The following HECTD2 variants were observed in gnomAD, a reference collection of about 807,000 sequenced individuals.
HECTD2 encodes the protein probable E3 ubiquitin-protein ligase HECTD2.
Under a neutral mutation model 103.2 loss-of-function variants are expected in HECTD2, and 35 were observed. The observed-to-expected ratio is 0.34, with a 90% CI of 0.26 to 0.45. HECTD2 has a LOEUF of 0.45. HECTD2 is among the 20% of genes least tolerant of loss of function. The pLI, the probability that HECTD2 is intolerant of heterozygous loss-of-function variation, is 1.00. For missense variants in HECTD2, 596 were observed against 937.4 expected (o/e 0.64, Z 4.76); for synonymous variants, 281 against 329.9 (o/e 0.85, Z 1.61).
At position 91,491,286 on chromosome 10, in the gene HECTD2, G is replaced by C. The variant is rs1228072670; in HGVS notation, c.1278G>C (p.Leu426=). 4 of 1,525,836 alleles carry C rather than the reference G, an allele frequency of 2.6e-6. No homozygotes were observed. In the South Asian group the frequency reaches 3.5e-5, roughly 13 times the overall value. 94.5% of individuals were successfully genotyped at this position (1,525,836 alleles called of 1,614,324 possible). A position where few individuals can be genotyped will look rare whatever the true frequency, so the allele number is the denominator to read the frequency against. The change falls in exon 12 of 21, where the codon CTG becomes CTC. Residue 426 remains leucine, a synonymous_variant. Coordinates refer to ENST00000298068, the MANE Select transcript of HECTD2 (RefSeq NM_182765.6). ...FLNMKVRRTH[L]VSDSLDELTR... is the part of the protein sequence containing the mutation. The stretch of plus-strand genomic sequence containing the variant: ...ATATGAAAGTAAGACGGACACATCT[G>C]GTTAGCGATTCACTTGATGAGGTAT...
At chr10:91,475,931 A>G (rs957298043) in intron 5 of HECTD2, among the ~76,000 whole-genome samples, 1 of 152,182 alleles carries the variant, frequency 6.6e-6, no homozygotes, top group Non-Finnish European at 1.5e-5. Flanking sequence ...TGGGGACCTG[A>G]GGGAACAAAT....
At chr10:91,439,108 T>C (rs1032129580) in intron 2 of HECTD2, among the ~76,000 whole-genome samples, 1 of 152,218 alleles carries the variant, frequency 6.6e-6, no homozygotes, top group Non-Finnish European at 1.5e-5. Flanking sequence ...ATTTTGGCTT[T>C]TGTTACCATT....
chr10:91,456,159 C>T (rs899205362), intron 2 of HECTD2, among the ~76,000 whole-genome samples: 5 of 152,068 alleles, frequency 3.3e-5, no homozygotes, highest in African/African-American at 1.2e-4. Flanking sequence ...TATAAATTAA[C>T]TTGGGCAGTA....
At chr10:91,455,828 G>T (rs1406096619) in intron 2 of HECTD2, among the ~76,000 whole-genome samples, 6 of 152,036 alleles carry the variant, frequency 3.9e-5, no homozygotes, top group African/African-American at 1.5e-4. Context: ...ATTAAATAGG[G>T]AATCCTTTCC....
chr10:91,476,492 C>G (rs559875417), intron 5 of HECTD2, among the ~76,000 whole-genome samples: 1 of 152,236 alleles, frequency 6.6e-6, no homozygotes, highest in South Asian at 2.1e-4. Flanking sequence ...GACATTGAGC[C>G]AGACTAAGAA....
intron 14 of HECTD2, among the ~76,000 whole-genome samples, chr10:91,493,789 AT>A (rs200088865): frequency 2.0e-5 from 3 of 151,912 alleles, no homozygotes; most frequent in Admixed American, 6.6e-5. Flanking sequence ...AATTTAAGGC[AT>A]TTTTTAAAAA....
intron 2 of HECTD2, among the ~76,000 whole-genome samples, chr10:91,453,874 C>T (rs1029344366): frequency 2.6e-5 from 4 of 152,108 alleles, no homozygotes; most frequent in African/African-American, 9.6e-5. Flanking sequence ...TTGAAGGAAA[C>T]AGAAATGACT....
At chr10:91,440,740 T>C (rs1383098790) in intron 2 of HECTD2, among the ~76,000 whole-genome samples, 2 of 65,800 alleles carry the variant, frequency 3.0e-5, no homozygotes, top group African/African-American at 1.3e-4. Flanking sequence ...TATTAATTAC[T>C]GCCTCCATTT....
intron 2 of HECTD2, among the ~76,000 whole-genome samples, chr10:91,450,060 C>T (rs1298890840): frequency 6.6e-6 from 1 of 152,070 alleles, no homozygotes; most frequent in Admixed American, 6.5e-5. Context: ...AAAAAGAGCC[C>T]ATATAGTCAA....
At chr10:91,411,080 G>T (rs1842900813) in intron 1 of HECTD2, among the ~76,000 whole-genome samples, 1 of 152,184 alleles carries the variant, frequency 6.6e-6, no homozygotes, top group Non-Finnish European at 1.5e-5. Flanking sequence ...GTTGCTGTCA[G>T]TGTAGTGGGA....
intron 18 of HECTD2, 108 bp from the exon 19 acceptor site, chr10:91,500,394 T>TTTTAA: frequency 1.8e-6 from 1 of 546,438 alleles, no homozygotes. Flanking sequence ...TGGTTTGATT[T>TTTTAA]ACTATGAGAA....
chr10:91,476,024 A>G (rs936058955), intron 5 of HECTD2, among the ~76,000 whole-genome samples: 2 of 152,232 alleles, frequency 1.3e-5, no homozygotes, highest in Admixed American at 1.3e-4. Context: ...TCTAGTTGAT[A>G]CAGTCCTTCA....
At chr10:91,494,545 T>A (rs1387680370) in intron 14 of HECTD2, among the ~76,000 whole-genome samples, 1 of 152,010 alleles carries the variant, frequency 6.6e-6, no homozygotes, top group Admixed American at 6.6e-5. Flanking sequence ...ATGAGACATA[T>A]ATATGGAAAC....
chr10:91,458,023 A>C (rs954222369), intron 2 of HECTD2, among the ~76,000 whole-genome samples: 4 of 113,630 alleles, frequency 3.5e-5, no homozygotes, highest in African/African-American at 7.4e-5. Flanking sequence ...TTGTCTATGC[A>C]AAAAAAAAAA....
intron 5 of HECTD2, among the ~76,000 whole-genome samples, chr10:91,477,043 C>T (rs1006207420): frequency 1.1e-4 from 17 of 152,026 alleles, no homozygotes; most frequent in Admixed American, 2.0e-4. Context: ...TAGCCGGGCG[C>T]GGTGGCGGGC....
chr10:91,427,332 G>A, intron 2 of HECTD2, among the ~76,000 whole-genome samples: 1 of 151,904 alleles, frequency 6.6e-6, no homozygotes, highest in African/African-American at 2.4e-5. Context: ...TGTCTTTATA[G>A]CAGCATGATT....
intron 1 of HECTD2, 97 bp downstream of exon 1, chr10:91,410,673 G>A: frequency 1.7e-6 from 2 of 1,168,862 alleles, no homozygotes; most frequent in Non-Finnish European, 2.2e-6. Flanking sequence ...CGTTTACCCT[G>A]GGCACGCCCT....
chr10:91,501,691 T>C (rs1055642957), intron 20 of HECTD2, among the ~76,000 whole-genome samples: 1 of 152,016 alleles, frequency 6.6e-6, no homozygotes, highest in Non-Finnish European at 1.5e-5. Flanking sequence ...AGTTGGGATA[T>C]CTGGTTTGTT....
Position 91,410,589 on chromosome 10 carries a change from C to T in HECTD2, c.138+13C>T, listed in dbSNP as rs1168221346. 4.7e-6 allele frequency: 6 copies of T among 1,270,940 alleles called. No individual in the cohort carries two copies. The highest frequency in any genetic ancestry group is 5.9e-6 in the Non-Finnish European group (6 of 1,022,250). The allele number at this position is 1,270,940 out of a possible 1,614,324, so 78.7% of individuals were successfully genotyped here. ...CGGCGCGACCGCGGTAGGTGGTGGG[C>T]CGGGGCCGTCTGGCGCCCCGGACGG... On this transcript the variant is annotated intron_variant, in intron 1 of 20. Coordinates refer to ENST00000298068, the MANE Select transcript of HECTD2 (RefSeq NM_182765.6).
Sources: allele counts gnomAD v4.1 joint callset (sites outside exome capture counted in the v4.1 genomes callset), GRCh38; gene constraint gnomAD v4.1.1; transcripts MANE v1.5; gene names NCBI Gene and HGNC (gene_info 2026-07-23, HGNC 2026-07-21).